MPHOSPH8: variants seen among roughly 807,000 people sequenced by gnomAD.
MPHOSPH8 encodes the protein M-phase phosphoprotein 8, also known as M-phase phosphoprotein, mpp.
MPHOSPH8 carries 45 observed loss-of-function variants against 87.3 expected under a neutral mutation model. The ratio of observed to expected loss-of-function variants is 0.52; its 90% confidence interval spans 0.41 to 0.66. The LOEUF is 0.66. Among genes scored for constraint, MPHOSPH8 ranks in the 30% least tolerant of loss-of-function variants. The pLI is 0.00. For synonymous variants in MPHOSPH8, 366 were observed against 376.9 expected, an observed-to-expected ratio of 0.97 and a Z score of 0.33; for missense variants, 883 against 1,020.2, an observed-to-expected ratio of 0.87 and a Z score of 1.83.
chr13:19,664,109 G>C (rs1875693406), intron 9 of MPHOSPH8, among the ~76,000 whole-genome samples: 1 of 152,114 alleles, frequency 6.6e-6, no homozygotes, highest in Non-Finnish European at 1.5e-5. Flanking sequence ...CTCCCGAGTA[G>C]CTGGGACTAC....
Position 19,646,873 on chromosome 13 carries a change from G to C in MPHOSPH8, c.800G>C (p.Ser267Thr). Residue 267 changes from serine (S) to threonine (T), a missense_variant, in exon 3 of 14, where the codon AGT becomes ACT. Ser to Thr is a moderately conservative substitution (Grantham distance 58, BLOSUM62 1). Coordinates refer to ENST00000361479, the MANE Select transcript of MPHOSPH8 (RefSeq NM_017520.4). The part of the protein sequence containing the change: ...FVESQVESES[S>T]VLNDSPFPED... ...GAATCCCAGGTGGAATCTGAATCAA[G>C]TGTACTTAATGATTCTCCCTTTCCA... The C allele has an allele frequency of 6.2e-7, 1 of 1,605,966 alleles. No homozygotes were observed. Among genetic ancestry groups the C allele is most frequent in the East Asian group, 2.2e-5 (1 of 44,860 alleles).
At chr13:19,655,044 T>TA (rs957737142) in intron 5 of MPHOSPH8, among the ~76,000 whole-genome samples, 22 of 152,114 alleles carry the variant, frequency 1.4e-4, no homozygotes, top group African/African-American at 3.9e-4. Flanking sequence ...GGCCCTGTTT[T>TA]AAAAAAAATC....
chr13:19,653,623 G>A (rs1874980427), intron 5 of MPHOSPH8, among the ~76,000 whole-genome samples: 1 of 152,194 alleles, frequency 6.6e-6, no homozygotes, highest in Admixed American at 6.5e-5. Flanking sequence ...AGCTAAAAGA[G>A]CATGTTCTAA....
intron 1 of MPHOSPH8, among the ~76,000 whole-genome samples, chr13:19,639,645 A>G (rs1275467760): frequency 6.6e-6 from 1 of 152,118 alleles, no homozygotes; most frequent in Non-Finnish European, 1.5e-5. Flanking sequence ...GCATAATTAG[A>G]TAAGCATGCA....
chr13:19,648,890 T>G (rs1008878098), intron 4 of MPHOSPH8, among the ~76,000 whole-genome samples: 2 of 152,180 alleles, frequency 1.3e-5, no homozygotes, highest in Non-Finnish European at 2.9e-5. Flanking sequence ...TTATATTTCT[T>G]GAAAACAAAC....
chr13:19,652,283 G>A (rs569185709), intron 5 of MPHOSPH8, among the ~76,000 whole-genome samples: 2 of 152,292 alleles, frequency 1.3e-5, no homozygotes, highest in African/African-American at 4.8e-5. Flanking sequence ...CGGAGGGTGA[G>A]CCAAAGCAGG....
At chr13:19,666,713 C>A in intron 10 of MPHOSPH8, 134 bp downstream of exon 10, 1 of 667,622 alleles carries the variant, frequency 1.5e-6, no homozygotes, top group Non-Finnish European at 2.3e-6. Context: ...GTTTTGTTTC[C>A]AGTAGATCAC....
intron 2 of MPHOSPH8, among the ~76,000 whole-genome samples, chr13:19,644,439 T>C (rs967237106): frequency 6.6e-6 from 1 of 152,256 alleles, no homozygotes; most frequent in African/African-American, 2.4e-5. Context: ...TAGTCACACA[T>C]ACTACAGTCT....
Position 19,647,049 on chromosome 13 carries a change from G to T in MPHOSPH8, c.976G>T (p.Val326Phe), listed in dbSNP as rs138850698. ...CATGAGTGCTGAGGAGGATACCGAT[G>T]TCAGAGGCAGGAGGAAAAAGAAGAC... The part of the protein sequence containing the change: ...SAMSAEEDTD[V>F]RGRRKKKTPR... Residue 326 changes from valine to phenylalanine, a missense_variant, in exon 3 of 14, where the codon GTC becomes TTC. Around this residue, in one of 3 missense-constraint regions of MPHOSPH8, gnomAD observed 741 missense variants for 841.5 expected, o/e 0.88. Transcript: ENST00000361479. 1.4e-5 allele frequency: 23 copies of T among 1,607,168 alleles called. No individual in the cohort carries two copies. Among genetic ancestry groups the T allele is most frequent in the Non-Finnish European group, 1.9e-5 (22 of 1,178,262 alleles).
At chr13:19,636,316 A>T (rs1874005956) in intron 1 of MPHOSPH8, among the ~76,000 whole-genome samples, 1 of 152,118 alleles carries the variant, frequency 6.6e-6, no homozygotes, top group Non-Finnish European at 1.5e-5. Flanking sequence ...CTTACAATTG[A>T]TTCACTTTTT....
intron 1 of MPHOSPH8, 63 bp downstream of exon 1, chr13:19,634,024 G>T: frequency 6.5e-7 from 1 of 1,538,000 alleles, no homozygotes. Flanking sequence ...GGGAGGACGC[G>T]AGCTGGAAAC....
At position 19,646,748 on chromosome 13, in the gene MPHOSPH8, A is replaced by G. The variant is rs111433808; in HGVS notation, c.675A>G (p.Lys225=). 1.1e-4 allele frequency: 173 copies of G among 1,584,340 alleles called. No homozygotes were observed. The African/African-American group carries it at 2.1e-3, about 19-fold the overall frequency. The change falls in exon 3 of 14, where the codon AAA becomes AAG. Residue 225 remains lysine, a synonymous_variant. Coordinates refer to ENST00000361479, the MANE Select transcript of MPHOSPH8 (RefSeq NM_017520.4). ...AAAAAGATGAAGTAAAAGAAACAAAAGAATTAAAGAAAGTTAAAAAGGGTG... is the reference window on the plus strand; with the variant it reads ...AAAAAGATGAAGTAAAAGAAACAAAGGAATTAAAGAAAGTTAAAAAGGGTG... ...KPKKDEVKET[K]ELKKVKKGEI... is the part of the protein sequence containing the mutation.
At chr13:19,660,175 A>G (rs995575746) in intron 7 of MPHOSPH8, among the ~76,000 whole-genome samples, 7 of 150,174 alleles carry the variant, frequency 4.7e-5, no homozygotes, top group African/African-American at 1.7e-4. Context: ...TCACCATGTT[A>G]GCCAGGATGG....
At chr13:19,637,318 TG>T (rs1251558119) in intron 1 of MPHOSPH8, among the ~76,000 whole-genome samples, 3 of 152,228 alleles carry the variant, frequency 2.0e-5, no homozygotes, top group African/African-American at 7.2e-5. Flanking sequence ...TAGTCTCCAC[TG>T]CTTTTTAAAA....
intron 2 of MPHOSPH8, among the ~76,000 whole-genome samples, chr13:19,645,593 TA>T: frequency 6.6e-6 from 1 of 152,144 alleles, no homozygotes; most frequent in African/African-American, 2.4e-5. Context: ...CTGTCTTTAC[TA>T]AAAATACAAA....
In MPHOSPH8 at chr13:19,633,741, C is replaced by T. The variant is rs763052538; in HGVS notation, c.-8C>T. On this transcript the variant is annotated 5_prime_UTR_variant, in exon 1 of 14. Transcript: ENST00000361479. Reference sequence around the variant, plus strand: ...GGGTTTTCCTCGGCGGTTTGCGGAGCTGCTAGGATGGAGCAGGTTGCGGAG... The same window carrying T: ...GGGTTTTCCTCGGCGGTTTGCGGAGTTGCTAGGATGGAGCAGGTTGCGGAG... The T allele has an allele frequency of 6.3e-7, 1 of 1,582,276 alleles. No homozygotes were observed. Among genetic ancestry groups the T allele is most frequent in the Non-Finnish European group, 8.6e-7 (1 of 1,164,592 alleles).
rs1374576493 is a variant in MPHOSPH8 at position 19,672,672 on chromosome 13, AC to A, written c.*798del. ...GACAGTTGCCACACATTCCCCAAGC[AC>A]AAAAGGTGGAGATGGCAGTCACTTT... On this transcript the variant is annotated 3_prime_UTR_variant, in exon 14 of 14. Coordinates refer to ENST00000361479, the MANE Select transcript of MPHOSPH8 (RefSeq NM_017520.4). 1 of 156,904 alleles carries A rather than the reference AC, an allele frequency of 6.4e-6. No homozygotes were observed. Among genetic ancestry groups the A allele is most frequent in the African/African-American group, 2.4e-5 (1 of 41,506 alleles). The allele number at this position is 156,904 out of a possible 1,614,324, so 9.7% of individuals were successfully genotyped here.
rs1876232456 is a variant in MPHOSPH8, at chr13:19,673,079, AC to A, written c.*1206del. The A allele has an allele frequency of 2.4e-6, 1 of 422,878 alleles. No individual in the cohort carries two copies. The highest frequency in any genetic ancestry group is 4.6e-6 in the Non-Finnish European group (1 of 216,990). 26.2% of individuals were successfully genotyped at this position (422,878 alleles called of 1,614,324 possible). On this transcript the variant is annotated 3_prime_UTR_variant, in exon 14 of 14. Coordinates refer to ENST00000361479, the MANE Select transcript of MPHOSPH8 (RefSeq NM_017520.4). ...CAAAAAAAAAAAAAAGTTTCTTGGA[AC>A]CTATACGGTTTTTTTTTGTTTTTTT... is the stretch of plus-strand genomic sequence containing the variant.
Position 19,650,163 on chromosome 13 carries a change from G to A in MPHOSPH8, c.1479G>A (p.Arg493=). ...TKENKQSLKE[R]RNTRDETDTW... is the part of the protein sequence containing the mutation. ...AAAACAAACAGTCACTTAAAGAAAG[G>A]AGAAACACCAGAGACGAAACGGATA... The change falls in exon 5 of 14, where the codon AGG becomes AGA. Residue 493 remains arginine (R), a synonymous_variant. Transcript: ENST00000361479. The A allele has an allele frequency of 1.9e-6, 3 of 1,614,142 alleles. No homozygotes were observed. Among genetic ancestry groups the A allele is most frequent in the South Asian group, 2.2e-5 (2 of 91,082 alleles).
Sources: allele counts gnomAD v4.1 joint callset (sites outside exome capture counted in the v4.1 genomes callset), GRCh38; gene constraint gnomAD v4.1.1; regional missense constraint gnomAD v4.1.1; transcripts MANE v1.5; gene names NCBI Gene and HGNC (gene_info 2026-07-23, HGNC 2026-07-21).